Variants in LTBP1 observed in about 807,000 individuals in gnomAD.
The protein encoded by LTBP1 is latent transforming growth factor beta binding protein 1, also known as latent-transforming growth factor beta-binding protein 1.
In LTBP1, 129 loss-of-function variants were observed where a neutral mutation model predicts 207.6. The observed-to-expected ratio is 0.62, with a 90% CI of 0.54 to 0.72. The LOEUF (loss-of-function observed/expected upper bound fraction) is 0.72, where lower values mean the gene tolerates loss of function less well. Among genes scored for constraint, LTBP1 ranks in the 30% least tolerant of loss-of-function variants. LTBP1 has a pLI of 0.00. For synonymous variants in LTBP1, 963 were observed against 833.7 expected, an observed-to-expected ratio of 1.16 and a Z score of -2.67; for missense variants, 2,281 against 2,217.2, an observed-to-expected ratio of 1.03 and a Z score of -0.58.
At chr2:33,298,104 G>T (rs1385399161) in intron 20 of LTBP1, among the ~76,000 whole-genome samples, 1 of 152,190 alleles carries the variant, frequency 6.6e-6, no homozygotes. Context: ...AAAGAAAGAA[G>T]ACATTTGTCC....
intron 3 of LTBP1, among the ~76,000 whole-genome samples, chr2:33,090,039 A>C (rs17325341): frequency 6.6e-6 from 1 of 152,182 alleles, no homozygotes; most frequent in Non-Finnish European, 1.5e-5. Flanking sequence ...TACGTGTTTT[A>C]TATACATTTA....
chr2:33,049,841 C>CT (rs1320223925), intron 3 of LTBP1, among the ~76,000 whole-genome samples: 90 of 145,346 alleles, frequency 6.2e-4, no homozygotes, highest in South Asian at 8.7e-4. Flanking sequence ...TTTTTTTTTT[C>CT]TTTTTTTTTG....
intron 32 of LTBP1, among the ~76,000 whole-genome samples, chr2:33,396,081 A>G (rs1406578995): frequency 6.6e-6 from 1 of 152,136 alleles, no homozygotes; most frequent in Non-Finnish European, 1.5e-5. Flanking sequence ...CAAAAACTCT[A>G]AAGTCTAGCT....
chr2:33,384,586 A>G (rs981089710), intron 31 of LTBP1, among the ~76,000 whole-genome samples: 6 of 152,234 alleles, frequency 3.9e-5, no homozygotes, highest in Non-Finnish European at 7.3e-5. Flanking sequence ...GGAGGTGACT[A>G]TTGTTCTTGA....
At chr2:33,315,458 C>T (rs887028809) in intron 24 of LTBP1, among the ~76,000 whole-genome samples, 189 bp downstream of exon 24, 1 of 152,100 alleles carries the variant, frequency 6.6e-6, no homozygotes, top group Non-Finnish European at 1.5e-5. Context: ...AGAGGATAAC[C>T]TAAGGTTATG....
Position 33,043,732 on chromosome 2 carries a change from G to A in LTBP1, c.863+22526G>A, listed in dbSNP as rs1461575140. On this transcript the variant is annotated intron_variant, in intron 3 of 33. Coordinates refer to ENST00000404816, the MANE Select transcript of LTBP1 (RefSeq NM_206943.4). ...ATTCCTATTAGGGGAGTAGCCATAA[G>A]TGAGGGTGAGAATGCAACACAGGTG... 4.6e-5 allele frequency among the ~76,000 whole-genome samples: 7 copies of A among 152,366 alleles called. No homozygotes were observed. The East Asian group carries it at 1.2e-3, about 25-fold the overall frequency.
At chr2:33,360,362 G>C (rs1450461869) in intron 26 of LTBP1, among the ~76,000 whole-genome samples, 1 of 152,150 alleles carries the variant, frequency 6.6e-6, no homozygotes, top group Non-Finnish European at 1.5e-5. Context: ...TCACGTAAAA[G>C]GAAATGGTTT....
At chr2:33,136,012 A>G (rs998233646) in intron 5 of LTBP1, among the ~76,000 whole-genome samples, 2 of 152,168 alleles carry the variant, frequency 1.3e-5, no homozygotes, top group African/African-American at 4.8e-5. Flanking sequence ...ACTGATTTAC[A>G]TCAAGACAAA....
intron 3 of LTBP1, among the ~76,000 whole-genome samples, chr2:33,107,935 G>A (rs2080160818): frequency 6.6e-6 from 1 of 152,004 alleles, no homozygotes. Flanking sequence ...GAAGGGAGGA[G>A]GAAATCCCAA....
At chr2:33,384,052 G>T (rs2095244814) in intron 31 of LTBP1, among the ~76,000 whole-genome samples, 2 of 152,132 alleles carry the variant, frequency 1.3e-5, no homozygotes, top group Non-Finnish European at 2.9e-5. Context: ...GGGTAGCATT[G>T]TGACATGTGA....
rs149901537 is a variant in LTBP1, at chr2:33,007,038, C to T, written c.566-13871C>T. Among the ~76,000 whole-genome samples the T allele has an allele frequency of 3.7e-3, 569 of 152,254 alleles. 3 individuals carry two copies. The highest frequency in any genetic ancestry group is 0.013 in the African/African-American group (543 of 41,548). On this transcript the variant is annotated intron_variant, in intron 2 of 33. Coordinates refer to ENST00000404816, the MANE Select transcript of LTBP1 (RefSeq NM_206943.4). ...ACAGCCTGCGAATGTTTGTGTTCTA[C>T]GATGATACTTGGGCATCAGTGACAT...
chr2:33,305,719 G>A (rs561748622), intron 22 of LTBP1, among the ~76,000 whole-genome samples: 4 of 152,214 alleles, frequency 2.6e-5, no homozygotes, highest in Admixed American at 6.5e-5. Flanking sequence ...GATAAATCCC[G>A]GGCCCTCCAA....
intron 2 of LTBP1, among the ~76,000 whole-genome samples, chr2:33,017,677 C>A (rs1216702735): frequency 1.3e-5 from 2 of 152,112 alleles, no homozygotes; most frequent in Non-Finnish European, 2.9e-5. Flanking sequence ...AGTGCAGTGG[C>A]GCTATCTCGG....
At chr2:33,325,103 C>A (rs2094410017) in intron 24 of LTBP1, among the ~76,000 whole-genome samples, 1 of 152,100 alleles carries the variant, frequency 6.6e-6, no homozygotes, top group South Asian at 2.1e-4. Context: ...TTTGTTTTCC[C>A]TGAGAGTTTC....
At chr2:33,008,506 A>C (rs1358677220) in intron 2 of LTBP1, among the ~76,000 whole-genome samples, 3 of 152,242 alleles carry the variant, frequency 2.0e-5, no homozygotes, top group Non-Finnish European at 4.4e-5. Context: ...ACAAAAAATT[A>C]ACACTGTGTG....
At chr2:33,110,034 C>T (rs1407972035) in intron 3 of LTBP1, among the ~76,000 whole-genome samples, 1 of 152,196 alleles carries the variant, frequency 6.6e-6, no homozygotes, top group African/African-American at 2.4e-5. Context: ...TTCCCCCCTT[C>T]CCATTTCCAG....
At position 33,278,951 on chromosome 2, in the gene LTBP1, T is replaced by C. The variant is rs193228066; in HGVS notation, c.2993-1088T>C. ...TTTTCACTTTAAGTATCTTTTCACA[T>C]GTCTAATGGTATGCAGTGGGAGATA... On this transcript the variant is annotated intron_variant, in intron 18 of 33. Transcript: ENST00000404816. Among the ~76,000 whole-genome samples, 4 of 152,352 alleles carry C rather than the reference T, an allele frequency of 2.6e-5. No individual in the cohort carries two copies. In the East Asian group the frequency reaches 5.8e-4, roughly 22 times the overall value.
At chr2:33,146,741 G>A (rs1399021362) in intron 5 of LTBP1, among the ~76,000 whole-genome samples, 1 of 152,130 alleles carries the variant, frequency 6.6e-6, no homozygotes, top group East Asian at 1.9e-4. Flanking sequence ...AGGAGAGAGT[G>A]AAATGGGAGA....
intron 4 of LTBP1, among the ~76,000 whole-genome samples, chr2:33,112,076 A>G (rs1484734434): frequency 5.3e-5 from 8 of 152,148 alleles, no homozygotes; most frequent in Non-Finnish European, 1.2e-4. Flanking sequence ...ACAGATGACA[A>G]TTTTTTTAAA....
Sources: allele counts gnomAD v4.1 joint callset (sites outside exome capture counted in the v4.1 genomes callset), GRCh38; gene constraint gnomAD v4.1.1; transcripts MANE v1.5; gene names NCBI Gene and HGNC (gene_info 2026-07-23, HGNC 2026-07-21).